Variants in TDRD12 observed in about 807,000 individuals in gnomAD.
TDRD12 encodes the protein putative ATP-dependent RNA helicase TDRD12.
A neutral mutation model predicts 133.5 loss-of-function variants in TDRD12; 158 were observed. The observed-to-expected ratio is 1.18, with a 90% CI of 1.04 to 1.35. The LOEUF is 1.35. TDRD12 is among the 40% of genes most tolerant of loss of function. The probability of loss-of-function intolerance (pLI) is 0.00; values close to 1 mark genes in which losing one functional copy is unlikely to be tolerated. For synonymous variants in TDRD12, 460 were observed against 477.9 expected, an observed-to-expected ratio of 0.96 and a Z score of 0.49; for missense variants, 1,443 against 1,321.3, an observed-to-expected ratio of 1.09 and a Z score of -1.43.
chr19:32,759,235 G>A (rs1970082748), intron 8 of TDRD12, among the ~76,000 whole-genome samples: 1 of 152,166 alleles, frequency 6.6e-6, no homozygotes, highest in African/African-American at 2.4e-5. Flanking sequence ...TGGCAACACA[G>A]TGTAGAGAGA....
At chr19:32,792,487 G>A (rs1599592537) in intron 13 of TDRD12, among the ~76,000 whole-genome samples, 1 of 152,122 alleles carries the variant, frequency 6.6e-6, no homozygotes, top group South Asian at 2.1e-4. Flanking sequence ...ATAGAAAAAT[G>A]TAAAAATCAC....
At chr19:32,741,601 G>A (rs575864072) in intron 3 of TDRD12, among the ~76,000 whole-genome samples, 2 of 152,288 alleles carry the variant, frequency 1.3e-5, no homozygotes, top group East Asian at 1.9e-4. Context: ...TGAGAAAATC[G>A]TATGATTAAA....
intron 25 of TDRD12, 77 bp from the exon 26 acceptor site, chr19:32,815,371 G>T: frequency 8.1e-7 from 1 of 1,230,958 alleles, no homozygotes; most frequent in Non-Finnish European, 1.1e-6. Flanking sequence ...AACCAGAGAG[G>T]CCCTGTGGGA....
chr19:32,800,629 G>A lies in TDRD12; in HGVS notation c.1951-15G>A. Reference sequence around the variant, plus strand: ...AATATTAAAAAGTCACATTGTTTCTGTGCTTCATTACCAGGTAGTACATCT... The same window carrying A: ...AATATTAAAAAGTCACATTGTTTCTATGCTTCATTACCAGGTAGTACATCT... On this transcript the variant is annotated splice_polypyrimidine_tract_variant and intron_variant, in intron 17 of 27. Transcript: ENST00000444215. The A allele has an allele frequency of 6.5e-7, 1 of 1,528,296 alleles. No individual in the cohort carries two copies. Among genetic ancestry groups the A allele is most frequent in the Admixed American group, 2.0e-5 (1 of 49,388 alleles). 94.7% of individuals were successfully genotyped at this position (1,528,296 alleles called of 1,614,324 possible).
intron 2 of TDRD12, among the ~76,000 whole-genome samples, chr19:32,732,112 T>C (rs1438689251): frequency 1.3e-5 from 2 of 152,188 alleles, no homozygotes; most frequent in African/African-American, 4.8e-5. Flanking sequence ...CAAGCACTTC[T>C]TCTGTCTCAG....
intron 1 of TDRD12, 135 bp downstream of exon 1, chr19:32,720,231 C>A: frequency 2.3e-6 from 2 of 861,940 alleles, no homozygotes; most frequent in Non-Finnish European, 3.5e-6. Flanking sequence ...CAGCCTCCCA[C>A]CCCCGACCCC....
Position 32,772,792 on chromosome 19 carries a change from C to G in TDRD12, c.905C>G (p.Ser302Ter), listed in dbSNP as rs1380409339. Reference sequence around the variant, plus strand: ...TGTAATATGGATTCATTGAGAGATTCACCTAAAGACAAATCTGAAAAGAAA... The same window carrying G: ...TGTAATATGGATTCATTGAGAGATTGACCTAAAGACAAATCTGAAAAGAAA... The change falls in exon 9 of 28, where the codon TCA becomes TGA. Residue 302 changes from serine (S) to a stop codon, truncating the protein, a stop_gained. Coordinates refer to ENST00000444215, the Ensembl canonical transcript of TDRD12. LOFTEE classifies it high-confidence loss of function. 3 of 1,514,818 alleles carry G rather than the reference C, an allele frequency of 2.0e-6. No individual in the cohort carries two copies. The highest frequency in any genetic ancestry group is 2.8e-5 in the African/African-American group (2 of 71,064). 93.8% of individuals were successfully genotyped at this position (1,514,818 alleles called of 1,614,324 possible).
chr19:32,761,684 C>CTTATTTAT (rs529431965), intron 8 of TDRD12, among the ~76,000 whole-genome samples: 4 of 151,842 alleles, frequency 2.6e-5, no homozygotes, highest in Admixed American at 6.6e-5. Flanking sequence ...TCAGGAGTTC[C>CTTATTTAT]TTATTTATTT....
At chr19:32,793,805 T>TTG (rs1242925277) in intron 13 of TDRD12, among the ~76,000 whole-genome samples, 1 of 149,776 alleles carries the variant, frequency 6.7e-6, no homozygotes, top group Non-Finnish European at 1.5e-5. Flanking sequence ...TTTTTTTTTT[T>TTG]TTTTTTGAGT....
exon 27 of TDRD12, chr19:32,818,091 C>T (rs1296444527): frequency 2.1e-5 from 15 of 702,708 alleles, no homozygotes; most frequent in Admixed American, 4.0e-5. Context: ...TTCTCCAGGC[C>T]GAGGGTGACA....
exon 17 of TDRD12, chr19:32,800,167 A>G: frequency 6.9e-7 from 1 of 1,439,576 alleles, no homozygotes; most frequent in Non-Finnish European, 9.3e-7. Context: ...AATTTTTCAG[A>G]TGTTTGCTAT....
chr19:32,807,730 G>A, intron 22 of TDRD12, 82 bp downstream of exon 22: 2 of 1,011,350 alleles, frequency 2.0e-6, no homozygotes, highest in East Asian at 5.3e-5. Flanking sequence ...CAGGATCTTA[G>A]TAGATGTCAT....
chr19:32,720,946 T>G (rs1968637232), intron 1 of TDRD12, among the ~76,000 whole-genome samples: 1 of 151,352 alleles, frequency 6.6e-6, no homozygotes, highest in Non-Finnish European at 1.5e-5. Context: ...AATTGGTTGC[T>G]CCTCCGAATG....
At chr19:32,759,291 G>T (rs1332268703) in intron 8 of TDRD12, among the ~76,000 whole-genome samples, 1 of 152,168 alleles carries the variant, frequency 6.6e-6, no homozygotes, top group Non-Finnish European at 1.5e-5. Context: ...CTAATCCTGG[G>T]TCTACCACTG....
In TDRD12 at chr19:32,740,968, A is replaced by G. The variant is rs538335280; in HGVS notation, c.321-1813A>G. ...CTTGGTGTTTTGTGATGACTTTTCC[A>G]TAGTTTCCCGTCCCAGGGTAAGAGG... On this transcript the variant is annotated intron_variant, in intron 3 of 27. Transcript: ENST00000444215. 3.2e-4 allele frequency among the ~76,000 whole-genome samples: 49 copies of G among 152,352 alleles called. 2 individuals carry two copies. In the South Asian group the frequency reaches 0.01, roughly 32 times the overall value.
intron 16 of TDRD12, 100 bp downstream of exon 16, chr19:32,798,535 T>A: frequency 1.0e-6 from 1 of 980,158 alleles, no homozygotes; most frequent in Non-Finnish European, 1.4e-6. Context: ...GGGAATACAT[T>A]GGTTAATCTA....
intron 10 of TDRD12, among the ~76,000 whole-genome samples, chr19:32,776,397 C>A (rs1276681012): frequency 2.0e-5 from 3 of 152,110 alleles, no homozygotes. Context: ...GGGTGCAGCC[C>A]CAAGATCAGA....
At chr19:32,738,573 T>C (rs1969295647) in intron 2 of TDRD12, among the ~76,000 whole-genome samples, 1 of 152,218 alleles carries the variant, frequency 6.6e-6, no homozygotes, top group Non-Finnish European at 1.5e-5. Context: ...CCCAGCACTT[T>C]GGGAGGCTGA....
chr19:32,764,881 G>T (rs1970250555), intron 8 of TDRD12, among the ~76,000 whole-genome samples: 1 of 151,708 alleles, frequency 6.6e-6, no homozygotes, highest in African/African-American at 2.4e-5. Context: ...AGCCAAAATT[G>T]ACAAATGGGA....
Sources: allele counts gnomAD v4.1 joint callset (sites outside exome capture counted in the v4.1 genomes callset), GRCh38; gene constraint gnomAD v4.1.1; transcripts MANE v1.5; gene names NCBI Gene and HGNC (gene_info 2026-07-23, HGNC 2026-07-21).